The following DLGAP2 variants were observed in gnomAD, a reference collection of about 807,000 sequenced individuals.
DLGAP2 encodes the protein disks large-associated protein 2.
DLGAP2 carries 26 observed loss-of-function variants against 100.3 expected under a neutral mutation model. That is an observed-to-expected ratio of 0.26 (90% CI 0.19 to 0.36). The LOEUF is 0.36. Among genes scored for constraint, DLGAP2 ranks in the 10% least tolerant of loss-of-function variants. The pLI, the probability that DLGAP2 is intolerant of heterozygous loss-of-function variation, is 1.00. For synonymous variants in DLGAP2, 886 were observed against 630.1 expected (o/e 1.41, Z -6.08); for missense variants, 1,858 against 1,453.2 (o/e 1.28, Z -4.53).
intron 1 of DLGAP2, among the ~76,000 whole-genome samples, chr8:900,488 C>A (rs1052992001): frequency 6.6e-6 from 1 of 152,180 alleles, no homozygotes; most frequent in East Asian, 1.9e-4. Context: ...GTGGTCTTGC[C>A]GGCATATAAT....
chr8:1,191,966 CT>C (rs1401018572), intron 2 of DLGAP2, among the ~76,000 whole-genome samples: 1 of 152,216 alleles, frequency 6.6e-6, no homozygotes, highest in Non-Finnish European at 1.5e-5. Flanking sequence ...GTAGCAATGA[CT>C]TCAAAACTTA....
At chr8:1,485,984 G>A (rs1157225381) in intron 3 of DLGAP2, among the ~76,000 whole-genome samples, 7 of 152,120 alleles carry the variant, frequency 4.6e-5, no homozygotes, top group African/African-American at 9.7e-5. Context: ...CCGAGATCGC[G>A]CCACTGCACT....
At chr8:1,410,055 C>G (rs924188438) in intron 3 of DLGAP2, among the ~76,000 whole-genome samples, 2 of 152,152 alleles carry the variant, frequency 1.3e-5, no homozygotes, top group Non-Finnish European at 2.9e-5. Flanking sequence ...CTTTGGCTAA[C>G]TGAGAAATGG....
At chr8:1,380,350 A>C (rs10094186) in intron 3 of DLGAP2, 58,541 of 151,912 alleles carry the variant, frequency 0.39, 12,387 homozygotes, top group East Asian at 0.66. Context: ...TGGTTAACGG[A>C]AGCAGCCGTC....
At chr8:1,241,368 C>A (rs1383635203) in intron 2 of DLGAP2, among the ~76,000 whole-genome samples, 1 of 150,872 alleles carries the variant, frequency 6.6e-6, no homozygotes, top group African/African-American at 2.5e-5. Context: ...CTAGTTCTCT[C>A]ACATGGCGCC....
At chr8:1,240,555 G>A (rs1382388203) in intron 2 of DLGAP2, among the ~76,000 whole-genome samples, 2 of 150,254 alleles carry the variant, frequency 1.3e-5, no homozygotes, top group African/African-American at 4.9e-5. Context: ...ATGGCGCTGT[G>A]TCTAGTTCTC....
At chr8:1,448,786 A>G (rs1014230893) in intron 3 of DLGAP2, among the ~76,000 whole-genome samples, 2 of 152,222 alleles carry the variant, frequency 1.3e-5, no homozygotes, top group African/African-American at 2.4e-5. Flanking sequence ...CACTGCGTGC[A>G]AAAATCAATG....
At chr8:1,658,086 C>T (rs528366878) in intron 8 of DLGAP2, among the ~76,000 whole-genome samples, 1 of 152,142 alleles carries the variant, frequency 6.6e-6, no homozygotes, top group African/African-American at 2.4e-5. Flanking sequence ...TTGGTTAGAC[C>T]AGATGTGACA....
Position 1,501,425 on chromosome 8 carries a change from G to A in DLGAP2, c.166G>A (p.Asp56Asn), listed in dbSNP as rs1432784917. The change falls in exon 4 of 15, where the codon GAT (aspartate) becomes AAT (asparagine). Residue 56 changes from aspartate to asparagine, a missense_variant. Coordinates refer to ENST00000637795, the MANE Select transcript of DLGAP2 (RefSeq NM_001346810.2). ...CAGCTTTCCGGGGCCGGCAGAGGAG[G>A]ATCTAGGTAGAGTACAGACGTCAGC... Reference protein sequence around the residue: ...GISFPGPAEEDLDPQYSWSPT... With the variant: ...GISFPGPAEENLDPQYSWSPT... The A allele has an allele frequency of 2.0e-6, 3 of 1,535,618 alleles. No individual in the cohort carries two copies. The highest frequency in any genetic ancestry group is 2.6e-6 in the Non-Finnish European group (3 of 1,146,746).
chr8:962,279 A>G (rs974808350), intron 2 of DLGAP2, among the ~76,000 whole-genome samples: 1 of 152,202 alleles, frequency 6.6e-6, no homozygotes, highest in African/African-American at 2.4e-5. Flanking sequence ...ATGGCGAAGT[A>G]AGGAGAGGGG....
intron 8 of DLGAP2, among the ~76,000 whole-genome samples, chr8:1,647,563 A>ATTTACAAT (rs950695488): frequency 4.7e-5 from 7 of 149,656 alleles, no homozygotes; most frequent in African/African-American, 1.7e-4. Context: ...ACTAACTTGA[A>ATTTACAAT]TTTACAATTT....
intron 3 of DLGAP2, among the ~76,000 whole-genome samples, chr8:1,356,830 G>A (rs776017317): frequency 2.3e-4 from 35 of 152,206 alleles, no homozygotes; most frequent in Non-Finnish European, 4.3e-4. Flanking sequence ...TTGCCACGAT[G>A]TAACACTACA....
At chr8:1,334,772 A>G (rs1048770308) in intron 3 of DLGAP2, among the ~76,000 whole-genome samples, 1 of 152,218 alleles carries the variant, frequency 6.6e-6, no homozygotes, top group Non-Finnish European at 1.5e-5. Context: ...AGAAGCCATA[A>G]TGTAACATGG....
chr8:1,447,764 G>T (rs550496829), intron 3 of DLGAP2, among the ~76,000 whole-genome samples: 5 of 152,250 alleles, frequency 3.3e-5, no homozygotes, highest in East Asian at 1.9e-4. Flanking sequence ...CAATTTCAGA[G>T]CCTGTTACTG....
chr8:1,044,449 C>A (rs113230271), intron 2 of DLGAP2, among the ~76,000 whole-genome samples: 14 of 152,198 alleles, frequency 9.2e-5, no homozygotes, highest in Non-Finnish European at 1.9e-4. Flanking sequence ...GTGAGTTGGT[C>A]TCACCGCACC....
intron 3 of DLGAP2, among the ~76,000 whole-genome samples, chr8:1,410,792 AC>A (rs1288654780): frequency 1.4e-5 from 2 of 146,456 alleles, no homozygotes; most frequent in Non-Finnish European, 3.0e-5. Flanking sequence ...GATTATGGCC[AC>A]CTTTCCCTGT....
chr8:1,535,931 C>T (rs1584901485), intron 4 of DLGAP2, among the ~76,000 whole-genome samples: 1 of 152,240 alleles, frequency 6.6e-6, no homozygotes, highest in Non-Finnish European at 1.5e-5. Flanking sequence ...GCACCACAAG[C>T]ACTGCTCTGA....
At chr8:1,303,440 G>A (rs1412414967) in intron 3 of DLGAP2, among the ~76,000 whole-genome samples, 1 of 151,186 alleles carries the variant, frequency 6.6e-6, no homozygotes, top group East Asian at 1.9e-4. Flanking sequence ...AAGGAGAAGA[G>A]GAGTGTTTTC....
intron 1 of DLGAP2, among the ~76,000 whole-genome samples, chr8:829,616 TTA>T (rs1796744606): frequency 6.6e-6 from 1 of 152,230 alleles, no homozygotes. Context: ...ATTTTGTCAG[TTA>T]TTTCTTTTTT....
Sources: gnomAD v4.1 joint callset for allele counts (sites outside exome capture counted in the v4.1 genomes callset) on GRCh38, gnomAD v4.1.1 for gene constraint, MANE v1.5 for transcripts, NCBI Gene and HGNC (gene_info 2026-07-23, HGNC 2026-07-21) for gene names.